The following LGALS8 variants were observed in gnomAD, a reference collection of about 807,000 sequenced individuals.
LGALS8 encodes galectin-8.
Under a neutral mutation model 35.9 loss-of-function variants are expected in LGALS8, and 30 were observed. The ratio of observed to expected loss-of-function variants is 0.83; its 90% confidence interval spans 0.62 to 1.13. The LOEUF (loss-of-function observed/expected upper bound fraction) is 1.13. Ranked by LOEUF, LGALS8 falls within the 50% of genes most tolerant of loss-of-function variation. The probability of loss-of-function intolerance (pLI) is 0.00; values close to 1 mark genes in which losing one functional copy is unlikely to be tolerated. For missense variants in LGALS8, 366 were observed against 388.7 expected, an observed-to-expected ratio of 0.94 and a Z score of 0.49; for synonymous variants, 138 against 136.1, an observed-to-expected ratio of 1.01 and a Z score of -0.10.
chr1:236,524,727 GTTA>G (rs1402329752), intron 1 of LGALS8: 3 of 306,108 alleles, frequency 9.8e-6, no homozygotes, highest in Non-Finnish European at 2.0e-5. Context: ...TCACTGGCTT[GTTA>G]TTATACATGT....
At chr1:236,541,606 AT>A (rs1369531799) in intron 5 of LGALS8, 47 bp from the exon 6 acceptor site, 2 of 994,490 alleles carry the variant, frequency 2.0e-6, no homozygotes, top group African/African-American at 3.4e-5. Flanking sequence ...TATTTAGAAA[AT>A]ATTTTCTACT....
intron 9 of LGALS8, 173 bp downstream of exon 9, chr1:236,545,088 T>C: frequency 1.9e-6 from 1 of 520,372 alleles, no homozygotes; most frequent in South Asian, 3.1e-5. Context: ...TCAGTATAAA[T>C]GGCAAAGCCA....
At position 236,524,883 on chromosome 1, in the gene LGALS8, GTTT is replaced by G. The variant is rs372701706; in HGVS notation, c.-104+828_-104+830del. ...TAGGTGGTAAACCAAGAGGGATACA[GTTT>G]TTTTTCTTAATAAAGAAAAAGTGAT... is the stretch of plus-strand genomic sequence containing the variant. On this transcript the variant is annotated intron_variant, in intron 1 of 9. Coordinates refer to ENST00000366584, the MANE Select transcript of LGALS8 (RefSeq NM_201544.4). 163 of 162,020 alleles carry G rather than the reference GTTT, an allele frequency of 1.0e-3. 4 individuals carry two copies. In the South Asian group the frequency reaches 0.024, roughly 24 times the overall value. The allele number at this position is 162,020 out of a possible 1,614,324, so 10.0% of individuals were successfully genotyped here.
intron 6 of LGALS8, 100 bp from the exon 7 acceptor site, chr1:236,542,661 A>G (rs1423609858): frequency 5.5e-6 from 7 of 1,267,782 alleles, no homozygotes; most frequent in Admixed American, 5.0e-5. Context: ...GGAACATCCC[A>G]GGCTCCGGCC....
At chr1:236,543,455 A>T in intron 7 of LGALS8, 105 bp from the exon 8 acceptor site, 1 of 876,040 alleles carries the variant, frequency 1.1e-6, no homozygotes, top group Non-Finnish European at 1.9e-6. Context: ...CCTGGGATTT[A>T]CAGGGTCATG....
At position 236,550,824 on chromosome 1, in the gene LGALS8, TG is replaced by T; in HGVS notation, c.*2665del. The T allele has an allele frequency of 9.0e-7, 1 of 1,106,118 alleles. No homozygotes were observed. Among genetic ancestry groups the T allele is most frequent in the Non-Finnish European group, 1.3e-6 (1 of 759,094 alleles). 68.5% of individuals were successfully genotyped at this position (1,106,118 alleles called of 1,614,324 possible). A position where few individuals can be genotyped will look rare whatever the true frequency, so the allele number is the denominator to read the frequency against. The stretch of plus-strand genomic sequence containing the variant: ...GTGTATTAAGGCACCAAAAGTAACA[TG>T]GCACCCAACACCCAAAAATAAAAAT... On this transcript the variant is annotated 3_prime_UTR_variant, in exon 10 of 10. Coordinates refer to ENST00000366584, the MANE Select transcript of LGALS8 (RefSeq NM_201544.4).
intron 3 of LGALS8, 43 bp from the exon 4 acceptor site, chr1:236,538,836 C>A (rs770111559): frequency 1.3e-6 from 2 of 1,488,592 alleles, no homozygotes; most frequent in East Asian, 4.5e-5. Flanking sequence ...GGTGGCTTTC[C>A]TTTCTGAGCA....
chr1:236,538,586 C>G (rs1661733970), intron 3 of LGALS8, among the ~76,000 whole-genome samples: 1 of 152,242 alleles, frequency 6.6e-6, no homozygotes, highest in Admixed American at 6.5e-5. Flanking sequence ...GAGCACTTCA[C>G]TTCCATCTTA....
chr1:236,523,039 A>C (rs1395366837), upstream of LGALS8: 1 of 152,236 alleles, frequency 6.6e-6, no homozygotes, highest in Non-Finnish European at 1.5e-5. Flanking sequence ...TGAGGTCCCT[A>C]ACAGAAAATA....
At chr1:236,524,851 C>T in intron 1 of LGALS8, 2 of 179,344 alleles carry the variant, frequency 1.1e-5, no homozygotes, top group Admixed American at 5.4e-5. Flanking sequence ...TGACATGGGG[C>T]TATATTTAGG....
intron 9 of LGALS8, among the ~76,000 whole-genome samples, chr1:236,546,899 C>T (rs1008315216): frequency 3.3e-5 from 5 of 151,588 alleles, no homozygotes; most frequent in African/African-American, 9.7e-5. Context: ...CCTATTTCCC[C>T]AATCCTCTGT....
rs751104206 is a variant in LGALS8 at position 236,538,896 on chromosome 1, A to G, written c.152A>G (p.Gln51Arg). 6.2e-6 allele frequency: 10 copies of G among 1,612,708 alleles called. No individual in the cohort carries two copies. Among genetic ancestry groups the G allele is most frequent in the Non-Finnish European group, 8.5e-6 (10 of 1,179,822 alleles). The change falls in exon 4 of 10, where the codon CAG (glutamine) becomes CGG (arginine). Residue 51 changes from glutamine to arginine, a missense_variant. Transcript: ENST00000366584. ...TCATATAGATTCCAGGTGGATCTGC[A>G]GAATGGCAGCAGCATGAAACCTCGA... ...SDADRFQVDL[Q>R]NGSSMKPRAD...
rs2254487 is a variant in LGALS8, at chr1:236,551,035, C to T, written c.*2874C>T. The T allele has an allele frequency of 0.62, 871,618 of 1,413,742 alleles. 277,363 individuals are homozygous for T. Among genetic ancestry groups the T allele is most frequent in the Non-Finnish European group, 0.66 (683,452 of 1,036,790 alleles). The allele number at this position is 1,413,742 out of a possible 1,614,324, so 87.6% of individuals were successfully genotyped here. On this transcript the variant is annotated 3_prime_UTR_variant, in exon 10 of 10. Transcript: ENST00000366584. Reference sequence around the variant, plus strand: ...ATCAAAATTAAAATCTGAGTCAGTCCGCCTGCCTCGGTTCTCATTAGTTTA... The same window carrying T: ...ATCAAAATTAAAATCTGAGTCAGTCTGCCTGCCTCGGTTCTCATTAGTTTA...
chr1:236,529,595 GAAA>G (rs546640891), intron 2 of LGALS8, among the ~76,000 whole-genome samples: 1 of 128,982 alleles, frequency 7.8e-6, no homozygotes, highest in African/African-American at 2.8e-5. Context: ...AAAAAAAAAA[GAAA>G]AAAAAAGTTA....
chr1:236,523,599 T>C (rs374660446), upstream of LGALS8: 100 of 164,458 alleles, frequency 6.1e-4, no homozygotes, highest in Middle Eastern at 3.2e-3. Context: ...CCCTCCCTCC[T>C]AGACCTGGAG....
chr1:236,544,877 A>ATTACCTCT lies in LGALS8; in HGVS notation c.769_776dup (p.Phe259LeufsTer14). 1 of 1,613,406 alleles carries ATTACCTCT rather than the reference A, an allele frequency of 6.2e-7. No homozygotes were observed. Among genetic ancestry groups the ATTACCTCT allele is most frequent in the Non-Finnish European group, 8.5e-7 (1 of 1,179,642 alleles). On this transcript the variant is annotated frameshift_variant, in exon 9 of 10. Transcript: ENST00000366584. LOFTEE classifies it high-confidence loss of function. ...GTCCTGGGGAGAAGAAGAGAGAAATATTACCTCTTTCCCATTTAGTCCTGG... is the reference window on the plus strand; with the variant it reads ...GTCCTGGGGAGAAGAAGAGAGAAATATTACCTCTTTACCTCTTTCCCATTTAGTCCTGG...
chr1:236,543,462 C>A, intron 7 of LGALS8, 98 bp from the exon 8 acceptor site: 1 of 918,840 alleles, frequency 1.1e-6, no homozygotes, highest in South Asian at 1.4e-5. Context: ...TTTACAGGGT[C>A]ATGGCTCTGA....
chr1:236,532,582 C>T (rs2794787), intron 2 of LGALS8, among the ~76,000 whole-genome samples: 80,098 of 151,926 alleles, frequency 0.53, 23,073 homozygotes, highest in Non-Finnish European at 0.65. Context: ...TGGCTCACAC[C>T]TGTAATCCCA....
intron 1 of LGALS8, 31 bp downstream of exon 1, chr1:236,524,092 C>T (rs374214575): frequency 4.4e-6 from 2 of 455,954 alleles, no homozygotes; most frequent in East Asian, 1.4e-4. Context: ...CCTCGGGTGG[C>T]GGGGCAGTCG....
Sources: gnomAD v4.1 joint callset for allele counts (sites outside exome capture counted in the v4.1 genomes callset) on GRCh38, gnomAD v4.1.1 for gene constraint, MANE v1.5 for transcripts, NCBI Gene and HGNC (gene_info 2026-07-23, HGNC 2026-07-21) for gene names.